CTNNA2: variants seen among roughly 807,000 people sequenced by gnomAD.
CTNNA2 encodes catenin alpha-2.
A neutral mutation model predicts 101.0 loss-of-function variants in CTNNA2; 42 were observed. The ratio of observed to expected loss-of-function variants is 0.42; its 90% CI spans 0.32 to 0.54. CTNNA2 has a LOEUF of 0.54. CTNNA2 is among the 20% of genes least tolerant of loss of function. The pLI is 0.14. For missense variants in CTNNA2, 871 were observed against 1,223.1 expected (o/e 0.71, Z 4.29); for synonymous variants, 450 against 456.4 (o/e 0.99, Z 0.18).
At chr2:79,982,230 A>ATATATATATATATATATATATATAT (rs1691354801) in intron 7 of CTNNA2, among the ~76,000 whole-genome samples, 1 of 96,434 alleles carries the variant, frequency 1.0e-5, no homozygotes, top group African/African-American at 4.7e-5. Context: ...ATATATATAT[A>ATATATATATATATATATATATATAT]TATATATATA....
At chr2:80,356,789 G>A (rs1427192136) in intron 7 of CTNNA2, among the ~76,000 whole-genome samples, 7 of 152,146 alleles carry the variant, frequency 4.6e-5, no homozygotes, top group African/African-American at 7.2e-5. Flanking sequence ...GTCTTAGGAA[G>A]TCTCTTTGGG....
intron 2 of CTNNA2, among the ~76,000 whole-genome samples, chr2:79,242,845 G>A (rs961158714): frequency 1.3e-5 from 2 of 151,706 alleles, no homozygotes; most frequent in South Asian, 2.1e-4. Context: ...GTGTGCACCC[G>A]TGGCCTCAGC....
intron 1 of CTNNA2, among the ~76,000 whole-genome samples, chr2:79,603,895 C>T (rs909841285): frequency 6.6e-6 from 1 of 152,182 alleles, no homozygotes; most frequent in African/African-American, 2.4e-5. Flanking sequence ...TACTCTGCAA[C>T]TGGCATTGGT....
intron 7 of CTNNA2, among the ~76,000 whole-genome samples, chr2:80,306,423 T>TCTTC (rs1676997879): frequency 1.4e-5 from 2 of 147,460 alleles, no homozygotes; most frequent in African/African-American, 5.1e-5. Context: ...TTTCTTTCTT[T>TCTTC]CTTTCTTTCT....
chr2:79,630,390 A>G (rs1005129465), intron 1 of CTNNA2, among the ~76,000 whole-genome samples: 4 of 152,230 alleles, frequency 2.6e-5, no homozygotes, highest in Admixed American at 2.6e-4. Context: ...CCATCAGAGA[A>G]TTGGGCAGGA....
chr2:80,168,030 C>T (rs1704811022), intron 7 of CTNNA2, among the ~76,000 whole-genome samples: 1 of 152,134 alleles, frequency 6.6e-6, no homozygotes, highest in African/African-American at 2.4e-5. Context: ...AACCAGTCTA[C>T]CCTGAGGACA....
At chr2:80,253,632 C>CT (rs1347584779) in intron 7 of CTNNA2, among the ~76,000 whole-genome samples, 1 of 152,268 alleles carries the variant, frequency 6.6e-6, no homozygotes, top group South Asian at 2.1e-4. Context: ...TTCAACCTTT[C>CT]TTTTTTTGCA....
At chr2:80,074,011 C>T (rs1441835833) in intron 7 of CTNNA2, among the ~76,000 whole-genome samples, 1 of 152,084 alleles carries the variant, frequency 6.6e-6, no homozygotes, top group Non-Finnish European at 1.5e-5. Context: ...GGGCTTTTTG[C>T]TTCCAAACCT....
chr2:80,364,365 T>C (rs1343900329), intron 7 of CTNNA2, among the ~76,000 whole-genome samples: 1 of 152,110 alleles, frequency 6.6e-6, no homozygotes, highest in Admixed American at 6.6e-5. Context: ...TAACAAGATG[T>C]TCTTTTCTCT....
intron 2 of CTNNA2, among the ~76,000 whole-genome samples, chr2:79,244,308 G>T (rs1439595156): frequency 6.6e-6 from 1 of 152,162 alleles, no homozygotes; most frequent in Non-Finnish European, 1.5e-5. Context: ...GTGGACAAAG[G>T]TTTCATGTGT....
At chr2:79,291,089 C>T (rs1365440763) in intron 2 of CTNNA2, among the ~76,000 whole-genome samples, 3 of 152,176 alleles carry the variant, frequency 2.0e-5, no homozygotes, top group Non-Finnish European at 4.4e-5. Context: ...ACTGAAGACA[C>T]CAGCCACTCC....
Position 79,199,117 on chromosome 2 carries a change from G to T in CTNNA2, c.-406+1041G>T, listed in dbSNP as rs556413369. Among the ~76,000 whole-genome samples, 9 of 152,282 alleles carry T rather than the reference G, an allele frequency of 5.9e-5. No individual in the cohort carries two copies. The Middle Eastern group carries it at 0.01, about 173-fold the overall frequency. ...CTACAATTTACAAAGTTGTAAAATAGCTCCCATAGAATCAGAATCAGATAA... is the reference window on the plus strand; with the variant it reads ...CTACAATTTACAAAGTTGTAAAATATCTCCCATAGAATCAGAATCAGATAA... On this transcript the variant is annotated intron_variant, in intron 2 of 21. Transcript: ENST00000466387.
intron 3 of CTNNA2, among the ~76,000 whole-genome samples, chr2:79,814,982 G>T (rs1256273654): frequency 6.6e-6 from 1 of 152,052 alleles, no homozygotes; most frequent in East Asian, 1.9e-4. Context: ...TGGGAGTAAG[G>T]TGGTATCACA....
At chr2:80,046,279 G>T (rs555689830) in intron 7 of CTNNA2, among the ~76,000 whole-genome samples, 50 of 152,176 alleles carry the variant, frequency 3.3e-4, no homozygotes, top group Admixed American at 1.6e-3. Context: ...AAATTCTCTG[G>T]TCACCAGCCC....
chr2:79,633,444 A>G (rs561980697), intron 1 of CTNNA2, among the ~76,000 whole-genome samples: 2 of 152,286 alleles, frequency 1.3e-5, no homozygotes, highest in South Asian at 4.1e-4. Flanking sequence ...AAAATATCCC[A>G]CATATTTTAC....
intron 7 of CTNNA2, among the ~76,000 whole-genome samples, chr2:80,123,462 A>G (rs917053433): frequency 6.6e-6 from 1 of 151,182 alleles, no homozygotes; most frequent in Non-Finnish European, 1.5e-5. Flanking sequence ...AAAAAAAAAA[A>G]TACTCCAGGC....
rs1678078126 is a variant in CTNNA2, at chr2:79,384,667, G to A, written c.-135+10654G>A. 2.6e-5 allele frequency among the ~76,000 whole-genome samples: 4 copies of A among 152,100 alleles called. No individual in the cohort carries two copies. In the South Asian group the frequency reaches 8.3e-4, roughly 32 times the overall value. On this transcript the variant is annotated intron_variant, in intron 4 of 21. Transcript: ENST00000466387. ...CAAAAGGCAGAGAAAATGTGATAAA[G>A]TTGTTTGCCATTCCTTCACTTGCTC...
At chr2:80,200,868 GT>G (rs11390757) in intron 7 of CTNNA2, among the ~76,000 whole-genome samples, 3,621 of 147,560 alleles carry the variant, frequency 0.025, 160 homozygotes, top group African/African-American at 0.083. Flanking sequence ...GATAGCCTTG[GT>G]TTTTTTTTTT....
intron 2 of CTNNA2, among the ~76,000 whole-genome samples, chr2:79,281,934 A>G (rs1244810344): frequency 4.6e-5 from 7 of 152,174 alleles, no homozygotes; most frequent in Admixed American, 3.9e-4. Flanking sequence ...TTTTACATGA[A>G]TATTTCCAAT....
Sources: gnomAD v4.1 joint callset for allele counts (sites outside exome capture counted in the v4.1 genomes callset) on GRCh38, gnomAD v4.1.1 for gene constraint, MANE v1.5 for transcripts, NCBI Gene and HGNC (gene_info 2026-07-23, HGNC 2026-07-21) for gene names.